Variants in DLGAP2 observed in about 807,000 individuals in gnomAD.
DLGAP2 encodes the protein disks large-associated protein 2.
DLGAP2 carries 26 observed loss-of-function variants against 100.3 expected under a neutral mutation model. The observed-to-expected ratio is 0.26, with a 90% CI of 0.19 to 0.36. The LOEUF is 0.36. DLGAP2 is among the 10% of genes least tolerant of loss of function. The pLI is 1.00. For synonymous variants in DLGAP2, 886 were observed against 630.1 expected, an observed-to-expected ratio of 1.41 and a Z score of -6.08; for missense variants, 1,858 against 1,453.2, an observed-to-expected ratio of 1.28 and a Z score of -4.53.
intron 8 of DLGAP2, among the ~76,000 whole-genome samples, chr8:1,635,469 C>T (rs765772773): frequency 3.3e-5 from 5 of 152,166 alleles, no homozygotes; most frequent in African/African-American, 4.8e-5. Context: ...CGTTCAATAG[C>T]TGTCATTTAC....
At chr8:862,615 A>G (rs191912883) in intron 1 of DLGAP2, among the ~76,000 whole-genome samples, 183 of 152,286 alleles carry the variant, frequency 1.2e-3, no homozygotes, top group Admixed American at 3.9e-3. Flanking sequence ...TATTCCTGGA[A>G]ATAACTGTGT....
intron 3 of DLGAP2, among the ~76,000 whole-genome samples, chr8:1,306,034 A>T (rs922826126): frequency 5.3e-4 from 79 of 149,258 alleles, no homozygotes; most frequent in African/African-American, 1.8e-3. Flanking sequence ...TGCCACTTCT[A>T]CTCATCATAG....
chr8:1,565,028 C>T (rs980537826), intron 5 of DLGAP2, among the ~76,000 whole-genome samples: 3 of 152,012 alleles, frequency 2.0e-5, no homozygotes, highest in Non-Finnish European at 4.4e-5. Flanking sequence ...ACGAGGCAGA[C>T]GTATAACACG....
chr8:1,110,350 G>T (rs1671569281), intron 2 of DLGAP2, among the ~76,000 whole-genome samples: 1 of 148,458 alleles, frequency 6.7e-6, no homozygotes, highest in African/African-American at 2.5e-5. Flanking sequence ...ACATGTGCTG[G>T]GTCTGGGTCT....
rs543198828 is a variant in DLGAP2 at position 1,049,466 on chromosome 8, G to A, written c.73+141500G>A. Among the ~76,000 whole-genome samples the A allele has an allele frequency of 2.0e-5, 3 of 152,016 alleles. No homozygotes were observed. The East Asian group carries it at 5.8e-4, about 29-fold the overall frequency. On this transcript the variant is annotated intron_variant, in intron 2 of 14. Coordinates refer to ENST00000637795, the MANE Select transcript of DLGAP2 (RefSeq NM_001346810.2). ...CTAAACACCCTGCTTAACGTCACAC[G>A]GGAATACAATTTACCCTTTTATCCT...
chr8:1,219,852 T>C, intron 2 of DLGAP2, among the ~76,000 whole-genome samples: 1 of 152,170 alleles, frequency 6.6e-6, no homozygotes, highest in East Asian at 1.9e-4. Context: ...ATGGTATGCT[T>C]CCTGGAATTT....
chr8:1,334,420 G>A lies in DLGAP2; in HGVS notation c.106+75537G>A, dbSNP rs73670766. On this transcript the variant is annotated intron_variant, in intron 3 of 14. Coordinates refer to ENST00000637795, the MANE Select transcript of DLGAP2 (RefSeq NM_001346810.2). ...CAAATGGTGGATATGTCAAGGAGTC[G>A]GTGAATTTTCTGTAAATATGTGCTG... Among the ~76,000 whole-genome samples the A allele has an allele frequency of 7.1e-3, 1,077 of 152,232 alleles. 10 individuals carry two copies. Among genetic ancestry groups the A allele is most frequent in the African/African-American group, 0.016 (661 of 41,552 alleles).
intron 14 of DLGAP2, among the ~76,000 whole-genome samples, chr8:1,699,946 G>C (rs942755266): frequency 6.6e-6 from 1 of 152,216 alleles, no homozygotes; most frequent in Non-Finnish European, 1.5e-5. Flanking sequence ...GGCATCCCCT[G>C]AACTATGAGG....
intron 2 of DLGAP2, among the ~76,000 whole-genome samples, chr8:915,276 G>C (rs1023355738): frequency 6.6e-6 from 1 of 152,192 alleles, no homozygotes; most frequent in Non-Finnish European, 1.5e-5. Flanking sequence ...GGCTGGGCGC[G>C]GTGGCTCACG....
intron 1 of DLGAP2, among the ~76,000 whole-genome samples, chr8:830,400 T>A (rs1392619211): frequency 6.6e-6 from 1 of 152,214 alleles, no homozygotes; most frequent in African/African-American, 2.4e-5. Flanking sequence ...ATCTTATTCA[T>A]TCTTTCCATT....
At chr8:915,416 T>G (rs1009909495) in intron 2 of DLGAP2, among the ~76,000 whole-genome samples, 3 of 152,010 alleles carry the variant, frequency 2.0e-5, no homozygotes, top group African/African-American at 7.2e-5. Context: ...GCGTGGTGGC[T>G]GGCACCTGTA....
intron 4 of DLGAP2, among the ~76,000 whole-genome samples, chr8:1,504,737 C>G (rs1799846744): frequency 6.6e-6 from 1 of 152,160 alleles, no homozygotes; most frequent in Non-Finnish European, 1.5e-5. Context: ...CTTTTTAAGA[C>G]TGAGTAGGTA....
intron 6 of DLGAP2, among the ~76,000 whole-genome samples, chr8:1,571,882 G>T (rs1422600606): frequency 1.5e-5 from 2 of 130,964 alleles, no homozygotes; most frequent in African/African-American, 6.2e-5. Context: ...GGTGAACTGT[G>T]GGGGCGTCTA....
At chr8:1,301,409 G>A (rs1476569575) in intron 3 of DLGAP2, 1 of 152,138 alleles carries the variant, frequency 6.6e-6, no homozygotes, top group African/African-American at 2.4e-5. Context: ...AGCAACTGAT[G>A]GGCTTTGAGA....
chr8:1,017,584 C>A (rs1379210419), intron 2 of DLGAP2, among the ~76,000 whole-genome samples: 2 of 138,994 alleles, frequency 1.4e-5, no homozygotes, highest in African/African-American at 5.4e-5. Flanking sequence ...ACAGACGACG[C>A]CTCCACTGTG....
chr8:1,220,059 C>T (rs1798286927), intron 2 of DLGAP2, among the ~76,000 whole-genome samples: 1 of 151,966 alleles, frequency 6.6e-6, no homozygotes, highest in African/African-American at 2.4e-5. Flanking sequence ...TCAAAAAAAC[C>T]AACTTATGGT....
chr8:1,640,383 A>T (rs1797869015), intron 8 of DLGAP2, among the ~76,000 whole-genome samples: 1 of 152,062 alleles, frequency 6.6e-6, no homozygotes, highest in African/African-American at 2.4e-5. Flanking sequence ...CCTGCTGCTG[A>T]CATCACGTCT....
intron 1 of DLGAP2, among the ~76,000 whole-genome samples, chr8:800,748 GT>G (rs566978283): frequency 1.4e-4 from 21 of 152,278 alleles, no homozygotes; most frequent in African/African-American, 4.8e-4. Flanking sequence ...GTATGTGCAT[GT>G]GTGCATGTGT....
chr8:1,531,499 T>C (rs936203648), intron 4 of DLGAP2, among the ~76,000 whole-genome samples: 11 of 152,214 alleles, frequency 7.2e-5, no homozygotes, highest in African/African-American at 2.4e-4. Context: ...TATGAAATTA[T>C]TTCATACTGA....
Sources: allele counts gnomAD v4.1 joint callset (sites outside exome capture counted in the v4.1 genomes callset), GRCh38; gene constraint gnomAD v4.1.1; transcripts MANE v1.5; gene names NCBI Gene and HGNC (gene_info 2026-07-23, HGNC 2026-07-21).